ICA1L: variants seen among roughly 807,000 people sequenced by gnomAD.
ICA1L encodes the protein islet cell autoantigen 1 like.
In ICA1L, 50 loss-of-function variants were observed where a neutral mutation model predicts 61.3. That is an observed-to-expected ratio of 0.82 (90% CI 0.65 to 1.03). The LOEUF (loss-of-function observed/expected upper bound fraction) is 1.03, where lower values mean the gene tolerates loss of function less well. Ranked by LOEUF, ICA1L falls within the 50% of genes least tolerant of loss-of-function variation. The pLI is 0.00. For synonymous variants in ICA1L, 161 were observed against 191.3 expected (o/e 0.84, Z 1.31); for missense variants, 508 against 556.7 (o/e 0.91, Z 0.88).
chr2:202,839,226 C>G (rs1434989184), intron 1 of ICA1L, among the ~76,000 whole-genome samples: 2 of 151,946 alleles, frequency 1.3e-5, no homozygotes, highest in Admixed American at 1.3e-4. Context: ...CTTGGCTGGG[C>G]GCGGTGGCTC....
At chr2:202,840,923 A>G (rs1694310839) in intron 1 of ICA1L, 3 of 719,806 alleles carry the variant, frequency 4.2e-6, no homozygotes, top group South Asian at 4.1e-5. Context: ...GCAGTTCCTC[A>G]TACTTGATCT....
intron 1 of ICA1L, among the ~76,000 whole-genome samples, chr2:202,843,519 C>T (rs1277982181): frequency 6.6e-6 from 1 of 152,174 alleles, no homozygotes; most frequent in Non-Finnish European, 1.5e-5. Context: ...CTGAAGGGAT[C>T]CCTCTTGGCA....
intron 3 of ICA1L, chr2:202,821,862 T>C (rs1189407525): frequency 6.5e-6 from 1 of 154,450 alleles, no homozygotes; most frequent in Non-Finnish European, 1.4e-5. Flanking sequence ...GTTCCCTATT[T>C]AAACTTGTTA....
At chr2:202,850,138 G>A (rs113102428) in intron 1 of ICA1L, among the ~76,000 whole-genome samples, 32 of 152,162 alleles carry the variant, frequency 2.1e-4, no homozygotes, top group African/African-American at 7.5e-4. Context: ...CCCATCCAAA[G>A]GTCATCAAGC....
intron 1 of ICA1L, among the ~76,000 whole-genome samples, chr2:202,857,806 G>A (rs1694807133): frequency 6.6e-6 from 1 of 152,136 alleles, no homozygotes; most frequent in African/African-American, 2.4e-5. Flanking sequence ...CAAAAAGTGG[G>A]CAAAGGATGT....
chr2:202,820,323 C>G (rs957559614), intron 4 of ICA1L, among the ~76,000 whole-genome samples: 2 of 150,562 alleles, frequency 1.3e-5, no homozygotes, highest in Non-Finnish European at 3.0e-5. Flanking sequence ...TGCAGCAAGC[C>G]GAGATGGCGC....
At chr2:202,785,307 T>G (rs1692546402) in intron 12 of ICA1L, among the ~76,000 whole-genome samples, 2 of 152,082 alleles carry the variant, frequency 1.3e-5, no homozygotes, top group South Asian at 4.1e-4. Flanking sequence ...AGGCATCCTG[T>G]AATCAGAAAG....
At chr2:202,817,314 G>C (rs1052451867) in intron 6 of ICA1L, 104 bp downstream of exon 6, 5 of 1,065,574 alleles carry the variant, frequency 4.7e-6, no homozygotes, top group African/African-American at 1.6e-5. Flanking sequence ...AAAGTCAAAG[G>C]AATCTAATCA....
At chr2:202,846,892 A>C (rs1208753751) in intron 1 of ICA1L, among the ~76,000 whole-genome samples, 1 of 152,230 alleles carries the variant, frequency 6.6e-6, no homozygotes, top group African/African-American at 2.4e-5. Flanking sequence ...AATCACATGA[A>C]CTTTATTTGT....
intron 2 of ICA1L, among the ~76,000 whole-genome samples, 196 bp from the exon 3 acceptor site, chr2:202,825,963 GA>G (rs35720321): frequency 6.6e-6 from 1 of 152,008 alleles, no homozygotes; most frequent in East Asian, 1.9e-4. Flanking sequence ...ATGAGAGCTG[GA>G]AAAAAATGAT....
chr2:202,803,400 CAAAAAAAAA>C (rs71030990), intron 9 of ICA1L, among the ~76,000 whole-genome samples: 2 of 60,644 alleles, frequency 3.3e-5, no homozygotes, highest in Admixed American at 1.9e-4. Flanking sequence ...GACTCGATCT[CAAAAAAAAA>C]AAAAAAAAAA....
chr2:202,812,313 T>C (rs1200605624), intron 8 of ICA1L, among the ~76,000 whole-genome samples: 1 of 152,228 alleles, frequency 6.6e-6, no homozygotes. Context: ...GTGTGGTGGC[T>C]CACGCCTGTA....
At chr2:202,856,982 G>A (rs983727588) in intron 1 of ICA1L, among the ~76,000 whole-genome samples, 24 of 152,130 alleles carry the variant, frequency 1.6e-4, no homozygotes, top group African/African-American at 4.8e-4. Flanking sequence ...AAATAAGAGA[G>A]GATACAAACA....
chr2:202,797,231 A>C (rs2105830270), intron 9 of ICA1L, among the ~76,000 whole-genome samples: 1 of 151,506 alleles, frequency 6.6e-6, no homozygotes, highest in South Asian at 2.1e-4. Context: ...GTCCCCTTGA[A>C]ATGTAAAAGT....
chr2:202,787,739 G>T (rs535991164), intron 11 of ICA1L, among the ~76,000 whole-genome samples: 1 of 152,314 alleles, frequency 6.6e-6, no homozygotes, highest in South Asian at 2.1e-4. Flanking sequence ...GCCGTGAGGG[G>T]TCCCCCCGTC....
chr2:202,792,071 G>A (rs952209874), intron 10 of ICA1L, among the ~76,000 whole-genome samples: 1 of 152,154 alleles, frequency 6.6e-6, no homozygotes, highest in African/African-American at 2.4e-5. Context: ...AGGAGGCTGA[G>A]GCAGGAGAAC....
Position 202,849,355 on chromosome 2 carries a change from C to T in ICA1L, c.-7-20339G>A, listed in dbSNP as rs548027788. Among the ~76,000 whole-genome samples the T allele has an allele frequency of 6.6e-4, 101 of 152,318 alleles. No individual in the cohort carries two copies. The South Asian group carries it at 0.019, about 28-fold the overall frequency. On this transcript the variant is annotated intron_variant, in intron 1 of 12. Coordinates refer to ENST00000358299, the MANE Select transcript of ICA1L (RefSeq NM_001288622.3). This position sits in a 1 kb window ranked among gnomAD's most constrained non-coding sequence, Gnocchi z 4.5. ...TCTCGCTCAGTGGGTCCCACTCCCA[C>T]AGAGCCCAGCAAGCTAAGAACCACT...
Position 202,779,578 on chromosome 2 carries a change from G to A in ICA1L, c.1404C>T (p.Asn468=), listed in dbSNP as rs762330606. The change falls in exon 13 of 13, where the codon AAC becomes AAT. Residue 468 remains asparagine, a synonymous_variant. Coordinates refer to ENST00000358299, the MANE Select transcript of ICA1L (RefSeq NM_001288622.3). The part of the protein sequence containing the change: ...NLFADLDPLS[N]PDAIGHSDDE... ...CATCTGAGTGTCCAATAGCATCTGGGTTTGAAAGTGGATCCAAGTCTGCAA... is the reference window on the plus strand; with the variant it reads ...CATCTGAGTGTCCAATAGCATCTGGATTTGAAAGTGGATCCAAGTCTGCAA... 3 of 1,613,320 alleles carry A rather than the reference G, an allele frequency of 1.9e-6. No homozygotes were observed. Among genetic ancestry groups the A allele is most frequent in the Non-Finnish European group, 2.5e-6 (3 of 1,179,690 alleles).
In ICA1L at chr2:202,817,419, T is replaced by C. The variant is rs1177750230; in HGVS notation, c.683A>G (p.Gln228Arg). 2 of 1,575,274 alleles carry C rather than the reference T, an allele frequency of 1.3e-6. No individual in the cohort carries two copies. Among genetic ancestry groups the C allele is most frequent in the African/African-American group, 1.4e-5 (1 of 73,280 alleles). The part of the protein sequence containing the change: ...NMLSHSLTTY[Q>R]RTLLGFWKKT... ...TATGCTGACCATGGAGGTGGGTACC[T>C]GGTAGGTAGTGAGCGAATGAGATAG... is the stretch of plus-strand genomic sequence containing the variant. The change falls in exon 6 of 13, where the codon CAG becomes CGG. Residue 228 changes from glutamine to arginine, a missense_variant and splice_region_variant. By Grantham distance (43) the Gln-to-Arg change is conservative (BLOSUM62 1). Coordinates refer to ENST00000358299, the MANE Select transcript of ICA1L (RefSeq NM_001288622.3).
Sources: gnomAD v4.1 joint callset for allele counts (sites outside exome capture counted in the v4.1 genomes callset) on GRCh38, gnomAD v4.1.1 for gene constraint, Gnocchi (gnomAD v3.1) non-coding constraint, MANE v1.5 for transcripts, NCBI Gene and HGNC (gene_info 2026-07-23, HGNC 2026-07-21) for gene names.